MEI1: variants seen among roughly 807,000 people sequenced by gnomAD.
The protein encoded by MEI1 is meiosis inhibitor protein 1.
Under a neutral mutation model 146.2 loss-of-function variants are expected in MEI1, and 103 were observed. The ratio of observed to expected loss-of-function variants is 0.70; its 90% CI spans 0.60 to 0.83. The LOEUF is 0.83. MEI1 is among the 40% of genes least tolerant of loss of function. The pLI is 0.00. For synonymous variants in MEI1, 652 were observed against 628.2 expected (o/e 1.04, Z -0.57); for missense variants, 1,529 against 1,533.0 (o/e 1.00, Z 0.04).
rs1399953265 is a variant in MEI1 at position 41,703,351 on chromosome 22, G to A, written c.195G>A (p.Met65Ile). The change falls in exon 2 of 31, where the codon ATG becomes ATA. Residue 65 changes from methionine to isoleucine, a missense_variant. Around this residue, in one of 3 missense-constraint regions of MEI1, gnomAD observed 1,212 missense variants for 1,178.9 expected, o/e 1.03. Transcript: ENST00000401548. ...TCAAGTTAGTGCGCAAGAAGCACAT[G>A]TTGTCCTGCTTCCAAGATGCCCTTG... ...PGVSLVRKKH[M>I]LSCFQDALVR... 6.2e-7 allele frequency: 1 copy of A among 1,612,754 alleles called. No homozygotes were observed. The highest frequency in any genetic ancestry group is 2.2e-5 in the East Asian group (1 of 44,854).
intron 6 of MEI1, among the ~76,000 whole-genome samples, chr22:41,720,323 C>G (rs1441476165): frequency 6.6e-6 from 1 of 152,208 alleles, no homozygotes; most frequent in Non-Finnish European, 1.5e-5. Context: ...GGTGCAAATA[C>G]AGGCCCTAGG....
Position 41,795,798 on chromosome 22 carries a change from G to A in MEI1, c.3730G>A (p.Gly1244Ser), listed in dbSNP as rs752007109. The A allele has an allele frequency of 6.2e-7, 1 of 1,613,558 alleles. No homozygotes were observed. The highest frequency in any genetic ancestry group is 8.5e-7 in the Non-Finnish European group (1 of 1,179,784). Reference sequence around the variant, plus strand: ...CCAGACCCTGCAGGCCTCCTTGGAGGGCCTTCCCCCTAGCACCTCCTCAGG... The same window carrying A: ...CCAGACCCTGCAGGCCTCCTTGGAGAGCCTTCCCCCTAGCACCTCCTCAGG... The part of the protein sequence containing the change: ...MAQTLQASLE[G>S]LPPSTSSGQP... Residue 1244 changes from glycine (G) to serine (S), a missense_variant, in exon 30 of 31, where the codon GGC becomes AGC. Physicochemically the swap from Gly to Ser is moderately conservative, Grantham distance 56. Around this residue, in one of 3 missense-constraint regions of MEI1, gnomAD observed 313 missense variants for 337.3 expected, o/e 0.93. Transcript: ENST00000401548. This position sits in a 1 kb window ranked among gnomAD's most constrained non-coding sequence, Gnocchi z 4.2.
At chr22:41,732,441 T>C in intron 10 of MEI1, 28 bp from the exon 11 acceptor site, 1 of 1,613,710 alleles carries the variant, frequency 6.2e-7, no homozygotes, top group East Asian at 2.2e-5. Flanking sequence ...AGAGTTCACC[T>C]ACTCGTTTCT....
At position 41,699,651 on chromosome 22, in the gene MEI1, C is replaced by T. The variant is rs201872996; in HGVS notation, c.113C>T (p.Pro38Leu). 2.1e-4 allele frequency: 331 copies of T among 1,590,552 alleles called. 2 individuals carry two copies. The African/African-American group carries it at 4.0e-3, about 19-fold the overall frequency. ...CGGCACGACCCGCGCTGGCTGCTGCCCGTGACCCCCCGCCTGTGCCTGGCC... is the reference window on the plus strand; with the variant it reads ...CGGCACGACCCGCGCTGGCTGCTGCTCGTGACCCCCCGCCTGTGCCTGGCC... ...HYRHDPRWLLPVTPRLCLACA... is the reference protein window; with the variant it reads ...HYRHDPRWLLLVTPRLCLACA... Residue 38 changes from proline to leucine, a missense_variant, in exon 1 of 31, where the codon CCC becomes CTC. Around this residue, in one of 3 missense-constraint regions of MEI1, gnomAD observed 1,212 missense variants for 1,178.9 expected, o/e 1.03. Transcript: ENST00000401548.
In MEI1 at chr22:41,743,109, A is replaced by G. The variant is rs1569229270; in HGVS notation, c.1361A>G (p.Gln454Arg). 5.6e-6 allele frequency: 9 copies of G among 1,613,234 alleles called. No homozygotes were observed. In the South Asian group the frequency reaches 8.8e-5, roughly 16 times the overall value. ...RKDHQSTPPV[Q>R]YGELQALLEA... ...GACCATCAGAGCACTCCACCTGTGC[A>G]GTATGGGGAACTGCAGGCTTTGCTA... is the stretch of plus-strand genomic sequence containing the variant. The change falls in exon 12 of 31, where the codon CAG (glutamine) becomes CGG (arginine). Residue 454 changes from glutamine to arginine, a missense_variant. By Grantham distance (43) the Gln-to-Arg change is conservative. Coordinates refer to ENST00000401548, the MANE Select transcript of MEI1 (RefSeq NM_152513.4).
chr22:41,758,405 C>G lies in MEI1; in HGVS notation c.1992C>G (p.Pro664=), dbSNP rs370762110. ...CTGAGCTCCTGCAGCATGGGCTGCCCCAGATAAGCAGCAGGAGCCCTGAAA... is the reference window on the plus strand; with the variant it reads ...CTGAGCTCCTGCAGCATGGGCTGCCGCAGATAAGCAGCAGGAGCCCTGAAA... The part of the protein sequence containing the change: ...AVSELLQHGL[P]QISSRSPESL... Residue 664 remains proline, a synonymous_variant, in exon 18 of 31, where the codon CCC becomes CCG. Coordinates refer to ENST00000401548, the MANE Select transcript of MEI1 (RefSeq NM_152513.4). 209 of 1,613,840 alleles carry G rather than the reference C, an allele frequency of 1.3e-4. No homozygotes were observed. The African/African-American group carries it at 2.4e-3, about 18-fold the overall frequency.
intron 20 of MEI1, 68 bp from the exon 21 acceptor site, chr22:41,776,034 A>C: frequency 6.6e-7 from 1 of 1,519,390 alleles, no homozygotes; most frequent in Non-Finnish European, 9.1e-7. Flanking sequence ...CTGCCCCTCT[A>C]TTCCTCATTG....
intron 26 of MEI1, among the ~76,000 whole-genome samples, chr22:41,787,017 C>G (rs1438156736): frequency 1.3e-5 from 2 of 152,168 alleles, no homozygotes; most frequent in Admixed American, 6.5e-5. Flanking sequence ...CATCCTTGCA[C>G]AAGGCTCTGT....
chr22:41,739,894 G>A (rs1190633630), intron 11 of MEI1, among the ~76,000 whole-genome samples: 1 of 152,188 alleles, frequency 6.6e-6, no homozygotes, highest in Admixed American at 6.6e-5. Flanking sequence ...ATTGCTCAGG[G>A]TGCAGTAGCC....
chr22:41,769,064 G>A (rs2075021533), intron 19 of MEI1, among the ~76,000 whole-genome samples: 1 of 151,970 alleles, frequency 6.6e-6, no homozygotes, highest in Admixed American at 6.6e-5. Flanking sequence ...TTGCAAAAAT[G>A]AATAAGCTGA....
intron 3 of MEI1, among the ~76,000 whole-genome samples, chr22:41,706,979 T>C (rs2069139418): frequency 6.8e-6 from 1 of 146,478 alleles, no homozygotes; most frequent in South Asian, 2.1e-4. Context: ...TCACTTGAAG[T>C]CATGAGTTCG....
intron 21 of MEI1, among the ~76,000 whole-genome samples, chr22:41,776,727 C>G (rs1602098669): frequency 6.6e-6 from 1 of 152,036 alleles, no homozygotes; most frequent in Non-Finnish European, 1.5e-5. Flanking sequence ...GTCAAGGAAG[C>G]TTGATGTTTG....
At chr22:41,699,867 C>A (rs2147169372) in intron 1 of MEI1, among the ~76,000 whole-genome samples, 155 bp downstream of exon 1, 1 of 152,342 alleles carries the variant, frequency 6.6e-6, no homozygotes, top group East Asian at 1.9e-4. Flanking sequence ...GTCCCGGACC[C>A]GGCCGCAGCG....
chr22:41,781,907 C>G, intron 24 of MEI1, 62 bp downstream of exon 24: 1 of 1,580,974 alleles, frequency 6.3e-7, no homozygotes, highest in Non-Finnish European at 8.7e-7. Context: ...TGTTGAAGAT[C>G]CTGAGTTCTG....
intron 7 of MEI1, among the ~76,000 whole-genome samples, chr22:41,729,380 A>G (rs2071657217): frequency 6.6e-6 from 1 of 152,166 alleles, no homozygotes. Flanking sequence ...ACTTTTGTTA[A>G]TGAAGGCTTG....
At chr22:41,719,832 C>G (rs2070590610) in intron 6 of MEI1, among the ~76,000 whole-genome samples, 2 of 152,156 alleles carry the variant, frequency 1.3e-5, no homozygotes, top group African/African-American at 4.8e-5. Context: ...TTGGGCAGAA[C>G]AGATGGGCAC....
intron 19 of MEI1, 121 bp from the exon 20 acceptor site, chr22:41,770,565 G>A (rs370716783): frequency 4.3e-6 from 4 of 934,830 alleles, no homozygotes; most frequent in Non-Finnish European, 6.3e-6. Flanking sequence ...GGATGAGCTA[G>A]CCAAGGTGTC....
chr22:41,705,688 A>G (rs2069034335), intron 3 of MEI1, 134 bp downstream of exon 3: 1 of 697,234 alleles, frequency 1.4e-6, no homozygotes, highest in East Asian at 2.7e-5. Context: ...TTCAATCACT[A>G]ATTCAACATT....
chr22:41,729,822 A>T (rs1227204540), intron 8 of MEI1, 43 bp downstream of exon 8: 1 of 1,343,176 alleles, frequency 7.4e-7, no homozygotes, highest in Admixed American at 2.3e-5. Context: ...TACTAGAAGG[A>T]TGGGGTGGTG....
Sources: gnomAD v4.1 joint callset for allele counts (sites outside exome capture counted in the v4.1 genomes callset) on GRCh38, gnomAD v4.1.1 for gene constraint, gnomAD v4.1.1 regional missense constraint, Gnocchi (gnomAD v3.1) non-coding constraint, MANE v1.5 for transcripts, NCBI Gene and HGNC (gene_info 2026-07-23, HGNC 2026-07-21) for gene names.